The following SYNE1 variants were observed in gnomAD, a reference collection of about 807,000 sequenced individuals.
SYNE1 encodes the protein spectrin repeat containing nuclear envelope protein 1.
Under a neutral mutation model 1,111.0 loss-of-function variants are expected in SYNE1, and 616 were observed. That is an observed-to-expected ratio of 0.55 (90% CI 0.52 to 0.59). The LOEUF (loss-of-function observed/expected upper bound fraction) is 0.59. Among genes scored for constraint, SYNE1 ranks in the 20% least tolerant of loss-of-function variants. The pLI, the probability that SYNE1 is intolerant of heterozygous loss-of-function variation, is 0.00. For missense variants in SYNE1, 10,006 were observed against 10,417.0 expected (o/e 0.96, Z 1.72); for synonymous variants, 3,855 against 3,825.8 (o/e 1.01, Z -0.28).
Position 152,351,779 on chromosome 6 carries a change from C to T in SYNE1, c.11580+248G>A, listed in dbSNP as rs369306339. Among the ~76,000 whole-genome samples the T allele has an allele frequency of 1.3e-3, 203 of 152,260 alleles. 1 individual carries two copies. Among genetic ancestry groups the T allele is most frequent in the African/African-American group, 4.7e-3 (197 of 41,552 alleles). ...AAAGGTCTTCATTGATTGACAGATA[C>T]GTACAATCAATAAATATATTGATAC... On this transcript the variant is annotated intron_variant, in intron 70 of 145. Coordinates refer to ENST00000367255, the MANE Select transcript of SYNE1 (RefSeq NM_182961.4).
Position 152,268,922 on chromosome 6 carries a change from A to C in SYNE1, c.18705+233T>G, listed in dbSNP as rs113571551. Among the ~76,000 whole-genome samples the C allele has an allele frequency of 9.7e-3, 1,481 of 152,322 alleles. 27 individuals are homozygous for C. Among genetic ancestry groups the C allele is most frequent in the African/African-American group, 0.033 (1,392 of 41,570 alleles). On this transcript the variant is annotated intron_variant, in intron 99 of 145. Transcript: ENST00000367255. ...AAGAAGATGAGAGCCATGTTACACT[A>C]TTTGTAAACCTAAACACAAGCTTTT...
In SYNE1 at chr6:152,173,799, G is replaced by A. The variant is rs191055948; in HGVS notation, c.23627+2595C>T. Among the ~76,000 whole-genome samples the A allele has an allele frequency of 5.3e-5, 8 of 152,278 alleles. No individual in the cohort carries two copies. In the East Asian group the frequency reaches 1.5e-3, roughly 29 times the overall value. ...CTGGGTATTCTGAGGCTTTATGTAA[G>A]AGGAAACAAAAATTAGTATTGTATA... On this transcript the variant is annotated intron_variant, in intron 130 of 145. Coordinates refer to ENST00000367255, the MANE Select transcript of SYNE1 (RefSeq NM_182961.4).
At chr6:152,302,397 C>T (rs1408459) in intron 91 of SYNE1, 299,685 of 411,142 alleles carry the variant, frequency 0.73, 110,391 homozygotes, top group African/African-American at 0.83. Flanking sequence ...ACTGACAACT[C>T]TCTTTAAAAG....
intron 4 of SYNE1, among the ~76,000 whole-genome samples, chr6:152,534,776 C>T (rs965960397): frequency 1.3e-5 from 2 of 152,174 alleles, no homozygotes; most frequent in African/African-American, 4.8e-5. Flanking sequence ...TCTTTCAGCA[C>T]TGCTGGTGGA....
intron 3 of SYNE1, among the ~76,000 whole-genome samples, chr6:152,543,306 T>C (rs1461109323): frequency 1.3e-5 from 2 of 152,310 alleles, no homozygotes; most frequent in East Asian, 3.9e-4. Flanking sequence ...CTTTTTGTAT[T>C]ATCAAACGTA....
intron 77 of SYNE1, among the ~76,000 whole-genome samples, chr6:152,332,999 G>A (rs1000218560): frequency 2.0e-5 from 3 of 151,910 alleles, no homozygotes; most frequent in Non-Finnish European, 2.9e-5. Context: ...TAAATGTTAA[G>A]TATCAAAGAA....
rs111367233 is a variant in SYNE1 at position 152,208,179 on chromosome 6, G to A, written c.22617C>T (p.Leu7539=). Residue 7539 remains leucine (L), a synonymous_variant, in exon 125 of 146, where the codon CTC becomes CTT. Coordinates refer to ENST00000367255, the MANE Select transcript of SYNE1 (RefSeq NM_182961.4). The stretch of plus-strand genomic sequence containing the variant: ...TCACTCCCTGCCATTGATTACTGAG[G>A]AGTGTCAATTTCAGGTTGAATTCAT... The part of the protein sequence containing the change: ...DRDEFNLKLT[L]LSNQWQGVIR... 1.3e-4 allele frequency: 206 copies of A among 1,613,988 alleles called. 1 individual carries two copies. In the African/African-American group the frequency reaches 2.3e-3, roughly 18 times the overall value.
intron 3 of SYNE1, among the ~76,000 whole-genome samples, chr6:152,618,328 G>A (rs2099666843): frequency 6.6e-6 from 1 of 151,968 alleles, no homozygotes; most frequent in South Asian, 2.1e-4. Context: ...GAACGCAGTG[G>A]CTCATAACTT....
rs2061280665 is a variant in SYNE1 at position 152,155,842 on chromosome 6, A to G, written c.23978+68T>C. On this transcript the variant is annotated intron_variant, in intron 132 of 145. Coordinates refer to ENST00000367255, the MANE Select transcript of SYNE1 (RefSeq NM_182961.4). Reference sequence around the variant, plus strand: ...GAACAGGAAAGAGTGAACAGTGGATACTCTGGGTGATTTTTATTTTCTTTT... The same window carrying G: ...GAACAGGAAAGAGTGAACAGTGGATGCTCTGGGTGATTTTTATTTTCTTTT... The G allele has an allele frequency of 2.5e-6, 4 of 1,582,126 alleles. No homozygotes were observed. In the Admixed American group the frequency reaches 5.1e-5, roughly 20 times the overall value.
In SYNE1 at chr6:152,134,723, T is replaced by G. The variant is rs538190374; in HGVS notation, c.25788+381A>C. ...AAAACAAACAAAAGACTTAATTGTC[T>G]CATTCTATTCTAATATTTTAATGAC... On this transcript the variant is annotated intron_variant, in intron 142 of 145. Transcript: ENST00000367255. 2.2e-4 allele frequency: 50 copies of G among 229,704 alleles called. No homozygotes were observed. The Middle Eastern group carries it at 5.3e-3, about 24-fold the overall frequency. 14.2% of individuals were successfully genotyped at this position (229,704 alleles called of 1,614,324 possible). A position where few individuals can be genotyped will look rare whatever the true frequency, so the allele number is the denominator to read the frequency against.
Position 152,143,649 on chromosome 6 carries a change from C to T in SYNE1, c.25093G>A (p.Glu8365Lys). The T allele has an allele frequency of 6.2e-7, 1 of 1,614,172 alleles. No individual in the cohort carries two copies. Among genetic ancestry groups the T allele is most frequent in the Non-Finnish European group, 8.5e-7 (1 of 1,180,028 alleles). ...TAGCCTTTGTAGCTGGTGTCTAGCTCCGGCCCCGTGGGAGTTTTGCTGCGA... is the reference window on the plus strand; with the variant it reads ...TAGCCTTTGTAGCTGGTGTCTAGCTTCGGCCCCGTGGGAGTTTTGCTGCGA... ...IIRSKTPTGP[E>K]LDTSYKGYMK... The change falls in exon 138 of 146, where the codon GAG becomes AAG. Residue 8365 changes from glutamate (E) to lysine (K), a missense_variant. Glu to Lys is a moderately conservative substitution (Grantham distance 56). Transcript: ENST00000367255.
chr6:152,287,443 A>C (rs1213671318), intron 95 of SYNE1, among the ~76,000 whole-genome samples: 1 of 152,128 alleles, frequency 6.6e-6, no homozygotes, highest in Non-Finnish European at 1.5e-5. Context: ...ATCTGGTAGG[A>C]TATATCTTTC....
chr6:152,208,200 T>G lies in SYNE1; in HGVS notation c.22596A>C (p.Glu7532Asp). 6.2e-7 allele frequency: 1 copy of G among 1,613,882 alleles called. No individual in the cohort carries two copies. Among genetic ancestry groups the G allele is most frequent in the South Asian group, 1.1e-5 (1 of 91,074 alleles). ...LEQGQVDDRDEFNLKLTLLSN... is the reference protein window; with the variant it reads ...LEQGQVDDRDDFNLKLTLLSN... ...TGAGGAGTGTCAATTTCAGGTTGAA[T>G]TCATCCCTAGTGAAGAAATAATTAC... The change falls in exon 125 of 146, where the codon GAA becomes GAC. Residue 7532 changes from glutamate to aspartate, a missense_variant. Physicochemically the swap from Glu to Asp is conservative, Grantham distance 45. Transcript: ENST00000367255.
intron 104 of SYNE1, among the ~76,000 whole-genome samples, chr6:152,252,042 G>C (rs1337565905): frequency 1.3e-5 from 2 of 152,178 alleles, no homozygotes; most frequent in Non-Finnish European, 1.5e-5. Context: ...GGTGGAGGCA[G>C]GCAGATGACC....
chr6:152,299,938 T>G (rs2095085543), intron 93 of SYNE1, among the ~76,000 whole-genome samples: 1 of 152,158 alleles, frequency 6.6e-6, no homozygotes, highest in Non-Finnish European at 1.5e-5. Flanking sequence ...TTAAAAGTCT[T>G]TGGTTACTAT....
chr6:152,427,733 G>T lies in SYNE1; in HGVS notation c.5060C>A (p.Ala1687Glu). The T allele has an allele frequency of 1.2e-6, 2 of 1,614,016 alleles. No homozygotes were observed. Among genetic ancestry groups the T allele is most frequent in the East Asian group, 4.5e-5 (2 of 44,866 alleles). ...TTCACCTTCCACTTTGACTCTGTCT[G>T]CAGAAATGTCCATTTCTGGGGAACT... ...KASSPEMDIS[A>E]DRVKVEGELQ... The change falls in exon 38 of 146, where the codon GCA becomes GAA. Residue 1687 changes from alanine (A) to glutamate (E), a missense_variant. Ala to Glu is a moderately radical substitution (Grantham distance 107). Around this residue, in one of 7 missense-constraint regions of SYNE1, gnomAD observed 1,971 missense variants for 2,084.1 expected, o/e 0.95. Transcript: ENST00000367255.
At chr6:152,463,659 A>C (rs1303498684) in intron 18 of SYNE1, 142 bp from the exon 19 acceptor site, 1 of 790,804 alleles carries the variant, frequency 1.3e-6, no homozygotes, top group Non-Finnish European at 2.1e-6. Flanking sequence ...TTTAAAATGC[A>C]CATTTTTGAT....
intron 128 of SYNE1, among the ~76,000 whole-genome samples, chr6:152,185,632 C>T (rs1050479046): frequency 7.9e-5 from 12 of 152,238 alleles, no homozygotes; most frequent in African/African-American, 2.7e-4. Flanking sequence ...CATTAAGACA[C>T]TTCAACATGG....
chr6:152,308,591 T>A lies in SYNE1; in HGVS notation c.17244A>T (p.Lys5748Asn). 1 of 1,613,946 alleles carries A rather than the reference T, an allele frequency of 6.2e-7. No homozygotes were observed. Among genetic ancestry groups the A allele is most frequent in the South Asian group, 1.1e-5 (1 of 91,074 alleles). The change falls in exon 91 of 146, where the codon AAA (lysine) becomes AAT (asparagine). Residue 5748 changes from lysine (K) to asparagine (N), a missense_variant. Around this residue, in one of 7 missense-constraint regions of SYNE1, gnomAD observed 4,955 missense variants for 5,017.2 expected, o/e 0.99. Transcript: ENST00000367255. ...VQYEQYEQEM[K>N]HLQQLIEGAH... The stretch of plus-strand genomic sequence containing the variant: ...CTCCTTCTATCAGTTGCTGGAGATG[T>A]TTCATTTCTTGCTCATATTGTTCAT...
Sources: gnomAD v4.1 joint callset for allele counts (sites outside exome capture counted in the v4.1 genomes callset) on GRCh38, gnomAD v4.1.1 for gene constraint, gnomAD v4.1.1 regional missense constraint, MANE v1.5 for transcripts, NCBI Gene and HGNC (gene_info 2026-07-23, HGNC 2026-07-21) for gene names.